GULP1: variants seen among roughly 807,000 people sequenced by gnomAD.
GULP1 encodes the protein PTB domain-containing engulfment adapter protein 1.
In GULP1, 19 loss-of-function variants were observed where a neutral mutation model predicts 40.9. The ratio of observed to expected loss-of-function variants is 0.46; its 90% CI spans 0.32 to 0.68. The LOEUF (loss-of-function observed/expected upper bound fraction) is 0.68, where lower values mean the gene tolerates loss of function less well. Ranked by LOEUF, GULP1 falls within the 30% of genes least tolerant of loss-of-function variation. The pLI, the probability that GULP1 is intolerant of heterozygous loss-of-function variation, is 0.03. For synonymous variants in GULP1, 119 were observed against 117.6 expected (o/e 1.01, Z -0.08); for missense variants, 312 against 362.2 (o/e 0.86, Z 1.12).
At chr2:188,537,940 C>T (rs1446026829) in intron 6 of GULP1, among the ~76,000 whole-genome samples, 1 of 152,052 alleles carries the variant, frequency 6.6e-6, no homozygotes, top group African/African-American at 2.4e-5. Flanking sequence ...ATAAATTTAT[C>T]AATTTCCTCT....
rs77609721 is a variant in GULP1, at chr2:188,557,236, G to C, written c.400-12003G>C. ...CCAGCAGTCCCCAAAGTCTTAACTT[G>C]TTTTGGCATTAACCCCAAAGTCCAA... On this transcript the variant is annotated intron_variant, in intron 7 of 11. Transcript: ENST00000409830. Among the ~76,000 whole-genome samples the C allele has an allele frequency of 8.4e-3, 1,280 of 152,186 alleles. 24 individuals are homozygous for C. The highest frequency in any genetic ancestry group is 0.03 in the African/African-American group (1,227 of 41,520).
intron 8 of GULP1, 99 bp downstream of exon 8, chr2:188,569,454 A>G (rs1164552498): frequency 2.6e-6 from 2 of 763,592 alleles, no homozygotes; most frequent in Non-Finnish European, 4.8e-6. Context: ...ATTAAATTTC[A>G]CCCACACTGA....
intron 1 of GULP1, among the ~76,000 whole-genome samples, chr2:188,337,605 C>T (rs1233070728): frequency 4.0e-5 from 6 of 151,754 alleles, no homozygotes; most frequent in African/African-American, 1.5e-4. Context: ...CCAGGGAAAG[C>T]CATGGTAGAG....
intron 2 of GULP1, among the ~76,000 whole-genome samples, chr2:188,411,218 G>T (rs750378812): frequency 6.6e-6 from 1 of 152,168 alleles, no homozygotes; most frequent in African/African-American, 2.4e-5. Flanking sequence ...CTGTGTCAGC[G>T]TATGTTATTC....
intron 9 of GULP1, chr2:188,582,298 C>A (rs1167272623): frequency 2.2e-6 from 1 of 460,840 alleles, no homozygotes; most frequent in East Asian, 7.0e-5. Context: ...TTCCTCCATG[C>A]CTGCCCTCTT....
At chr2:188,425,424 G>T (rs1432232976) in intron 2 of GULP1, among the ~76,000 whole-genome samples, 1 of 152,018 alleles carries the variant, frequency 6.6e-6, no homozygotes, top group Non-Finnish European at 1.5e-5. Context: ...TACCACTCTT[G>T]CCCTAGACTG....
chr2:188,498,988 T>C (rs182979998), intron 4 of GULP1, among the ~76,000 whole-genome samples: 1 of 151,384 alleles, frequency 6.6e-6, no homozygotes, highest in Non-Finnish European at 1.5e-5. Context: ...TTAGACATTC[T>C]CTTCCTTTTT....
At chr2:188,589,939 T>A in intron 11 of GULP1, 1 of 371,024 alleles carries the variant, frequency 2.7e-6, no homozygotes, top group Non-Finnish European at 4.8e-6. Flanking sequence ...ACTTAGTCAC[T>A]ATTGCATTGT....
chr2:188,515,524 G>T (rs2065081333), intron 4 of GULP1, among the ~76,000 whole-genome samples: 1 of 152,112 alleles, frequency 6.6e-6, no homozygotes, highest in Admixed American at 6.5e-5. Flanking sequence ...ATATGCTTGA[G>T]TGTATGTTTC....
At chr2:188,390,726 T>C (rs2050403836) in intron 2 of GULP1, among the ~76,000 whole-genome samples, 1 of 152,124 alleles carries the variant, frequency 6.6e-6, no homozygotes, top group Non-Finnish European at 1.5e-5. Context: ...TGGGTTATCT[T>C]CTAGGTTTTT....
chr2:188,591,769 T>A (rs1256522676), intron 11 of GULP1: 1 of 151,732 alleles, frequency 6.6e-6, no homozygotes, highest in Non-Finnish European at 1.5e-5. Context: ...AAAAAAGACA[T>A]ACCTCAAAAT....
At chr2:188,535,084 T>G (rs1054153144) in intron 6 of GULP1, among the ~76,000 whole-genome samples, 1 of 151,204 alleles carries the variant, frequency 6.6e-6, no homozygotes, top group Non-Finnish European at 1.5e-5. Flanking sequence ...TATTTAATAT[T>G]AAAGTAATTA....
chr2:188,413,477 A>G (rs2152727398), intron 2 of GULP1, among the ~76,000 whole-genome samples: 1 of 152,176 alleles, frequency 6.6e-6, no homozygotes, highest in East Asian at 1.9e-4. Flanking sequence ...TTGGCTGCAT[A>G]AATGTCCTTT....
chr2:188,569,557 C>G, intron 8 of GULP1: 1 of 507,498 alleles, frequency 2.0e-6, no homozygotes, highest in Non-Finnish European at 3.5e-6. Context: ...ATTGAATTCC[C>G]ACAAGAACTT....
At position 188,591,045 on chromosome 2, in the gene GULP1, G is replaced by A. The variant is rs984699881; in HGVS notation, c.844-2895G>A. 8 of 152,062 alleles carry A rather than the reference G, an allele frequency of 5.3e-5. No homozygotes were observed. In the South Asian group the frequency reaches 1.7e-3, roughly 32 times the overall value. The allele number at this position is 152,062 out of a possible 1,614,324, so 9.4% of individuals were successfully genotyped here. A position where few individuals can be genotyped will look rare whatever the true frequency, so the allele number is the denominator to read the frequency against. Reference sequence around the variant, plus strand: ...AGTATCCAATTTTTTAAAATTTACTGTCTAAAAATATATAAATACATTACA... The same window carrying A: ...AGTATCCAATTTTTTAAAATTTACTATCTAAAAATATATAAATACATTACA... On this transcript the variant is annotated intron_variant, in intron 11 of 11. Coordinates refer to ENST00000409830, the MANE Select transcript of GULP1 (RefSeq NM_016315.4).
intron 1 of GULP1, among the ~76,000 whole-genome samples, chr2:188,307,204 TTTGA>T (rs1574277247): frequency 6.6e-6 from 1 of 152,206 alleles, no homozygotes; most frequent in African/African-American, 2.4e-5. Context: ...CTGTTTTCAT[TTTGA>T]TTAACAAATA....
At chr2:188,495,044 G>T (rs888658979) in intron 4 of GULP1, among the ~76,000 whole-genome samples, 2 of 151,932 alleles carry the variant, frequency 1.3e-5, no homozygotes, top group African/African-American at 4.8e-5. Context: ...ATCCTATTTT[G>T]TAAATTGCTT....
At chr2:188,382,208 C>T (rs1286829500) in intron 1 of GULP1, among the ~76,000 whole-genome samples, 2 of 152,106 alleles carry the variant, frequency 1.3e-5, no homozygotes, top group Admixed American at 1.3e-4. Flanking sequence ...ACTTTGCCAA[C>T]CAAATAGGCT....
intron 1 of GULP1, among the ~76,000 whole-genome samples, chr2:188,318,270 A>G (rs1239407130): frequency 6.8e-6 from 1 of 146,942 alleles, no homozygotes; most frequent in African/African-American, 2.6e-5. Flanking sequence ...AAGTCTCATA[A>G]AAGTTGTAAA....
Sources: gnomAD v4.1 joint callset for allele counts (sites outside exome capture counted in the v4.1 genomes callset) on GRCh38, gnomAD v4.1.1 for gene constraint, MANE v1.5 for transcripts, NCBI Gene and HGNC (gene_info 2026-07-23, HGNC 2026-07-21) for gene names.